The following CELF2 variants were observed in gnomAD, a reference collection of about 807,000 sequenced individuals.
The protein encoded by CELF2 is CUG triplet repeat RNA-binding protein 2.
In CELF2, 8 loss-of-function variants were observed where a neutral mutation model predicts 62.6. That is an observed-to-expected ratio of 0.13 (90% CI 0.07 to 0.23). CELF2 has a LOEUF of 0.23. Among genes scored for constraint, CELF2 ranks in the 10% least tolerant of loss-of-function variants. The probability of loss-of-function intolerance (pLI) is 1.00; values close to 1 mark genes in which losing one functional copy is unlikely to be tolerated. For synonymous variants in CELF2, 258 were observed against 250.0 expected, an observed-to-expected ratio of 1.03 and a Z score of -0.30; for missense variants, 333 against 671.0, an observed-to-expected ratio of 0.50 and a Z score of 5.56.
chr10:10,479,521 T>C, the CELF2 span, among the ~76,000 whole-genome samples: 1 of 152,178 alleles, frequency 6.6e-6, no homozygotes, highest in African/African-American at 2.4e-5. Flanking sequence ...GCGATAAGTA[T>C]CGTGATGGTA....
the CELF2 span, among the ~76,000 whole-genome samples, chr10:10,532,885 T>TAA: frequency 2.2e-4 from 6 of 27,422 alleles, no homozygotes; most frequent in East Asian, 3.8e-3. Flanking sequence ...AGACAAAATC[T>TAA]CAAAAAAAAA....
At chr10:10,899,190 A>G (rs1264748393) in intron 1 of CELF2, among the ~76,000 whole-genome samples, 2 of 152,230 alleles carry the variant, frequency 1.3e-5, no homozygotes, top group Non-Finnish European at 2.9e-5. Flanking sequence ...AGAAGAGCTA[A>G]TTAAACACAA....
chr10:10,820,996 T>G (rs1333251290), intron 1 of CELF2, among the ~76,000 whole-genome samples: 1 of 152,108 alleles, frequency 6.6e-6, no homozygotes, highest in East Asian at 1.9e-4. Context: ...ACAAGAGCAA[T>G]GAGGCTAGAG....
the CELF2 span, among the ~76,000 whole-genome samples, chr10:10,767,551 GAGAA>G: frequency 6.6e-6 from 1 of 152,184 alleles, no homozygotes; most frequent in Non-Finnish European, 1.5e-5. Flanking sequence ...GGTGTGACCA[GAGAA>G]AGAGAGACTT....
chr10:10,630,383 G>A, the CELF2 span, among the ~76,000 whole-genome samples: 1 of 152,196 alleles, frequency 6.6e-6, no homozygotes, highest in African/African-American at 2.4e-5. Flanking sequence ...AAGGAATGCT[G>A]TGTCGTCTGA....
Position 11,198,267 on chromosome 10 carries a change from T to G in CELF2, c.272-19158T>G, listed in dbSNP as rs538738684. The stretch of plus-strand genomic sequence containing the variant: ...TCAAAAATAATTATTCTGCTGTCCT[T>G]AATATGGGAGCCGAATGCAGTGACT... On this transcript the variant is annotated intron_variant, in intron 2 of 12. Transcript: ENST00000633077. Among the ~76,000 whole-genome samples, 84 of 152,360 alleles carry G rather than the reference T, an allele frequency of 5.5e-4. 1 individual carries two copies. Among genetic ancestry groups the G allele is most frequent in the Middle Eastern group, 3.4e-3 (1 of 294 alleles).
intron 1 of CELF2, among the ~76,000 whole-genome samples, chr10:10,834,296 CTG>C (rs2058101083): frequency 6.6e-6 from 1 of 152,142 alleles, no homozygotes; most frequent in Non-Finnish European, 1.5e-5. Flanking sequence ...ACAGCACACA[CTG>C]GGGCCTATCA....
At chr10:10,973,804 A>G (rs1192814049) in intron 2 of CELF2, among the ~76,000 whole-genome samples, 1 of 151,696 alleles carries the variant, frequency 6.6e-6, no homozygotes, top group Non-Finnish European at 1.5e-5. Flanking sequence ...CTGCGCCCCA[A>G]CTACCCTCCC....
chr10:11,322,954 A>G (rs1208275822), intron 11 of CELF2, among the ~76,000 whole-genome samples: 2 of 152,080 alleles, frequency 1.3e-5, no homozygotes, highest in African/African-American at 4.8e-5. Context: ...GGACAATGAT[A>G]TCATCACACA....
At chr10:11,212,645 G>T (rs1213546910) in intron 2 of CELF2, among the ~76,000 whole-genome samples, 1 of 151,928 alleles carries the variant, frequency 6.6e-6, no homozygotes, top group Non-Finnish European at 1.5e-5. Flanking sequence ...GGACCTGATG[G>T]ACCTATGAAT....
chr10:10,952,991 T>A (rs1400971693), intron 2 of CELF2, among the ~76,000 whole-genome samples: 1 of 152,230 alleles, frequency 6.6e-6, no homozygotes, highest in Non-Finnish European at 1.5e-5. Flanking sequence ...TTGGTTCAGA[T>A]GTCTCCATAA....
In CELF2 at chr10:11,270,625, C is replaced by A; in HGVS notation, c.619-41C>A. The A allele has an allele frequency of 1.4e-6, 2 of 1,383,544 alleles. No homozygotes were observed. Among genetic ancestry groups the A allele is most frequent in the South Asian group, 1.9e-5 (1 of 53,244 alleles). 85.7% of individuals were successfully genotyped at this position (1,383,544 alleles called of 1,614,324 possible). On this transcript the variant is annotated intron_variant, in intron 6 of 12. Coordinates refer to ENST00000633077, the MANE Select transcript of CELF2 (RefSeq NM_001326342.2). This position sits in a 1 kb window ranked among gnomAD's most constrained non-coding sequence, Gnocchi z 5.8. ...GAGTGTCGTGAGCGGATTCCGCCAG[C>A]CTGTAACCCCCTCTCCACTTTCCAA...
At chr10:11,127,198 T>C (rs200257561) in intron 1 of CELF2, among the ~76,000 whole-genome samples, 1 of 152,216 alleles carries the variant, frequency 6.6e-6, no homozygotes, top group African/African-American at 2.4e-5. Context: ...TCCGACTGCA[T>C]TCATGTCCCT....
the CELF2 span, among the ~76,000 whole-genome samples, chr10:10,558,260 G>A: frequency 6.6e-6 from 1 of 151,998 alleles, no homozygotes; most frequent in Admixed American, 6.6e-5. Flanking sequence ...GTTGAATTTT[G>A]TCAAAGGCTT....
At chr10:11,186,646 C>G (rs1413465757) in intron 2 of CELF2, among the ~76,000 whole-genome samples, 1 of 152,078 alleles carries the variant, frequency 6.6e-6, no homozygotes, top group Non-Finnish European at 1.5e-5. Flanking sequence ...TCCAAAAATC[C>G]AAACTTTGAA....
chr10:11,048,924 G>A (rs2063354028), intron 1 of CELF2, among the ~76,000 whole-genome samples: 2 of 152,110 alleles, frequency 1.3e-5, no homozygotes, highest in African/African-American at 4.8e-5. Flanking sequence ...GAATTGTCAG[G>A]GAAACAGAAA....
intron 2 of CELF2, among the ~76,000 whole-genome samples, chr10:11,175,475 C>T (rs1347984137): frequency 6.6e-6 from 1 of 152,168 alleles, no homozygotes; most frequent in Non-Finnish European, 1.5e-5. Flanking sequence ...ATGCTAAACC[C>T]TGGGATACTG....
intron 2 of CELF2, among the ~76,000 whole-genome samples, chr10:11,199,962 CACAAAA>C: frequency 6.6e-6 from 1 of 152,174 alleles, no homozygotes; most frequent in Non-Finnish European, 1.5e-5. Flanking sequence ...GCATTGATGT[CACAAAA>C]CTGGGTCGTG....
chr10:11,281,942 G>T (rs2088981032), intron 8 of CELF2, among the ~76,000 whole-genome samples: 1 of 152,154 alleles, frequency 6.6e-6, no homozygotes, highest in African/African-American at 2.4e-5. Flanking sequence ...GGACCCTGGG[G>T]CAGGGAGCGG....
Sources: allele counts gnomAD v4.1 joint callset (sites outside exome capture counted in the v4.1 genomes callset), GRCh38; gene constraint gnomAD v4.1.1; non-coding constraint Gnocchi (gnomAD v3.1); transcripts MANE v1.5; gene names NCBI Gene and HGNC (gene_info 2026-07-23, HGNC 2026-07-21).